The following TENM2 variants were observed in gnomAD, a reference collection of about 807,000 sequenced individuals.
TENM2 encodes the protein teneurin-2.
TENM2 carries 52 observed loss-of-function variants against 245.2 expected under a neutral mutation model. The ratio of observed to expected loss-of-function variants is 0.21; its 90% CI spans 0.17 to 0.27. TENM2 has a LOEUF of 0.27. TENM2 is among the 10% of genes least tolerant of loss of function. The pLI is 1.00. For synonymous variants in TENM2, 1,363 were observed against 1,438.9 expected (o/e 0.95, Z 1.19); for missense variants, 3,046 against 3,666.8 (o/e 0.83, Z 4.37).
chr5:167,150,702 G>A, the TENM2 span, among the ~76,000 whole-genome samples: 1 of 152,136 alleles, frequency 6.6e-6, no homozygotes, highest in African/African-American at 2.4e-5. Flanking sequence ...CTTATATGAA[G>A]CTTAGTTGAA....
At chr5:168,219,503 A>G (rs1232339401) in intron 23 of TENM2, among the ~76,000 whole-genome samples, 3 of 152,182 alleles carry the variant, frequency 2.0e-5, no homozygotes, top group South Asian at 2.1e-4. Flanking sequence ...AGAGCTGGTC[A>G]TATTTCCCCT....
chr5:167,987,921 G>T (rs145442266), intron 4 of TENM2, among the ~76,000 whole-genome samples: 8 of 152,254 alleles, frequency 5.3e-5, no homozygotes, highest in African/African-American at 1.9e-4. Context: ...CTTATCGTTG[G>T]TTTTTTGTTT....
chr5:167,275,019 T>A, the TENM2 span, among the ~76,000 whole-genome samples: 2 of 152,016 alleles, frequency 1.3e-5, no homozygotes, highest in Admixed American at 6.6e-5. Context: ...TAAATATATA[T>A]ACACACATAT....
At chr5:167,709,091 T>C (rs1319154290) in intron 2 of TENM2, among the ~76,000 whole-genome samples, 1 of 152,110 alleles carries the variant, frequency 6.6e-6, no homozygotes, top group East Asian at 1.9e-4. Flanking sequence ...TCACAGAAAC[T>C]ATGCCAGAGC....
At chr5:168,022,282 C>T (rs1363137628) in intron 5 of TENM2, among the ~76,000 whole-genome samples, 1 of 152,200 alleles carries the variant, frequency 6.6e-6, no homozygotes, top group African/African-American at 2.4e-5. Flanking sequence ...TCTCCACATC[C>T]CAATTTGCTC....
At chr5:167,510,645 G>A (rs1385249503) in intron 2 of TENM2, among the ~76,000 whole-genome samples, 36 of 151,696 alleles carry the variant, frequency 2.4e-4, no homozygotes, top group Admixed American at 2.4e-3. Flanking sequence ...AGGAAGGAAG[G>A]AAGGAAAGAA....
intron 2 of TENM2, among the ~76,000 whole-genome samples, chr5:167,789,169 C>T (rs547085861): frequency 1.3e-5 from 2 of 152,294 alleles, no homozygotes; most frequent in East Asian, 3.9e-4. Context: ...GGCTAGGCCT[C>T]GAAAATAATT....
At chr5:167,513,468 T>C (rs1159502320) in intron 2 of TENM2, among the ~76,000 whole-genome samples, 1 of 152,176 alleles carries the variant, frequency 6.6e-6, no homozygotes, top group Non-Finnish European at 1.5e-5. Flanking sequence ...TATAAATGCC[T>C]TATGAGCCTG....
At chr5:168,104,921 A>C (rs1235530017) in intron 9 of TENM2, among the ~76,000 whole-genome samples, 3 of 152,162 alleles carry the variant, frequency 2.0e-5, no homozygotes, top group Non-Finnish European at 4.4e-5. Flanking sequence ...CAGGTACTGC[A>C]CTAAGAGCCA....
At chr5:167,836,624 G>A (rs1214514121) in intron 2 of TENM2, among the ~76,000 whole-genome samples, 1 of 152,194 alleles carries the variant, frequency 6.6e-6, no homozygotes, top group African/African-American at 2.4e-5. Context: ...TGCCTTATCT[G>A]TTGCACTGGG....
chr5:167,964,774 C>A (rs920105691), intron 4 of TENM2, among the ~76,000 whole-genome samples: 1 of 151,676 alleles, frequency 6.6e-6, no homozygotes, highest in Non-Finnish European at 1.5e-5. Context: ...CACTAAGGTG[C>A]CAGAAAGAGA....
chr5:168,003,262 CATT>C (rs948650021), intron 5 of TENM2, among the ~76,000 whole-genome samples: 1 of 151,408 alleles, frequency 6.6e-6, no homozygotes, highest in South Asian at 2.1e-4. Flanking sequence ...CAAATGATGA[CATT>C]ATCTTTTCCC....
intron 2 of TENM2, among the ~76,000 whole-genome samples, chr5:167,474,326 G>T (rs1767228667): frequency 6.6e-6 from 1 of 151,910 alleles, no homozygotes; most frequent in Non-Finnish European, 1.5e-5. Flanking sequence ...ACCTAATATA[G>T]GTGTTCAGAG....
At chr5:167,462,214 G>A (rs1177659587) in intron 2 of TENM2, among the ~76,000 whole-genome samples, 1 of 121,696 alleles carries the variant, frequency 8.2e-6, no homozygotes, top group East Asian at 2.6e-4. Flanking sequence ...ATGCAACAGG[G>A]GTATAACTTG....
chr5:168,181,094 C>T (rs1452052605), intron 13 of TENM2, among the ~76,000 whole-genome samples: 1 of 152,180 alleles, frequency 6.6e-6, no homozygotes, highest in Non-Finnish European at 1.5e-5. Context: ...CCTGGGAGCT[C>T]ATAAATAATG....
At chr5:168,245,254 A>C (rs1271187958) in intron 26 of TENM2, among the ~76,000 whole-genome samples, 1 of 151,722 alleles carries the variant, frequency 6.6e-6, no homozygotes. Context: ...CTAGACGCTC[A>C]GTAATGGCAA....
At chr5:167,733,063 C>T (rs1760547734) in intron 2 of TENM2, among the ~76,000 whole-genome samples, 1 of 140,738 alleles carries the variant, frequency 7.1e-6, no homozygotes, top group Non-Finnish European at 1.6e-5. Flanking sequence ...ATAGTTTCCT[C>T]CATTTTCTCC....
At chr5:167,708,703 C>T (rs1322360811) in intron 2 of TENM2, among the ~76,000 whole-genome samples, 1 of 152,110 alleles carries the variant, frequency 6.6e-6, no homozygotes, top group African/African-American at 2.4e-5. Context: ...GCCAGCCTCT[C>T]CCCCTCTGCC....
intron 2 of TENM2, among the ~76,000 whole-genome samples, chr5:167,469,901 G>T (rs1299148511): frequency 6.6e-6 from 1 of 151,842 alleles, no homozygotes; most frequent in Non-Finnish European, 1.5e-5. Context: ...AATGTGTTTT[G>T]TTTCATCATA....
Sources: gnomAD v4.1 joint callset for allele counts (sites outside exome capture counted in the v4.1 genomes callset) on GRCh38, gnomAD v4.1.1 for gene constraint, MANE v1.5 for transcripts, NCBI Gene and HGNC (gene_info 2026-07-23, HGNC 2026-07-21) for gene names.